The following GAS2 variants were observed in gnomAD, a reference collection of about 807,000 sequenced individuals.
GAS2 encodes the protein growth arrest specific 2, also known as growth arrest-specific protein 2.
Under a neutral mutation model 37.5 loss-of-function variants are expected in GAS2, and 20 were observed. The observed-to-expected ratio is 0.53, with a 90% CI of 0.37 to 0.77. The LOEUF (loss-of-function observed/expected upper bound fraction) is 0.77, where lower values mean the gene tolerates loss of function less well. Ranked by LOEUF, GAS2 falls within the 30% of genes least tolerant of loss-of-function variation. The pLI, the probability that GAS2 is intolerant of heterozygous loss-of-function variation, is 0.00. For missense variants in GAS2, 336 were observed against 373.4 expected (o/e 0.90, Z 0.82); for synonymous variants, 144 against 132.2 (o/e 1.09, Z -0.61).
intron 5 of GAS2, among the ~76,000 whole-genome samples, chr11:22,745,263 C>T (rs1245819468): frequency 6.6e-6 from 1 of 152,016 alleles, no homozygotes; most frequent in Non-Finnish European, 1.5e-5. Flanking sequence ...GGTACAAAAA[C>T]AGACAGAACA....
intron 7 of GAS2, among the ~76,000 whole-genome samples, chr11:22,785,744 T>C (rs1345199023): frequency 6.6e-6 from 1 of 152,150 alleles, no homozygotes; most frequent in Non-Finnish European, 1.5e-5. Flanking sequence ...GAAAAGATTG[T>C]TTTCTAGTGT....
intron 1 of GAS2, among the ~76,000 whole-genome samples, chr11:22,672,229 A>G (rs1245580426): frequency 6.6e-6 from 1 of 152,184 alleles, no homozygotes; most frequent in Admixed American, 6.5e-5. Context: ...GACTGTATAC[A>G]AAGTAACAAA....
intron 1 of GAS2, chr11:22,667,207 G>C (rs1231631212): frequency 2.0e-5 from 3 of 150,906 alleles, no homozygotes. Context: ...AAGCCCGCTG[G>C]GGTGGCTCTG....
intron 1 of GAS2, among the ~76,000 whole-genome samples, chr11:22,636,572 T>C (rs1305527467): frequency 6.6e-6 from 1 of 152,138 alleles, no homozygotes; most frequent in Non-Finnish European, 1.5e-5. Context: ...CAGTAATTAA[T>C]TTAGGAACCC....
intron 1 of GAS2, among the ~76,000 whole-genome samples, chr11:22,644,844 A>G (rs1223913781): frequency 6.6e-6 from 1 of 152,106 alleles, no homozygotes; most frequent in Non-Finnish European, 1.5e-5. Context: ...GCTACTCTTG[A>G]ACCCCTGGAC....
At chr11:22,724,708 T>G (rs1590713463) in intron 3 of GAS2, among the ~76,000 whole-genome samples, 2 of 152,106 alleles carry the variant, frequency 1.3e-5, no homozygotes, top group Non-Finnish European at 2.9e-5. Flanking sequence ...TGTGCATTTA[T>G]GCAGAAACTT....
chr11:22,656,095 G>A (rs1039557888), intron 1 of GAS2, among the ~76,000 whole-genome samples: 4 of 152,130 alleles, frequency 2.6e-5, no homozygotes, highest in Admixed American at 6.6e-5. Flanking sequence ...GGACTAAAAT[G>A]TTTTAAAACA....
At chr11:22,667,360 G>A (rs1365494293) in intron 1 of GAS2, among the ~76,000 whole-genome samples, 3 of 152,312 alleles carry the variant, frequency 2.0e-5, no homozygotes, top group East Asian at 3.9e-4. Context: ...TGGTCTTAAA[G>A]GGCTGATCCT....
chr11:22,688,107 G>A (rs1434580416), intron 3 of GAS2, among the ~76,000 whole-genome samples: 2 of 152,102 alleles, frequency 1.3e-5, no homozygotes, highest in Non-Finnish European at 2.9e-5. Context: ...TAGGTCAAAG[G>A]CTTTGACATT....
chr11:22,781,414 A>G (rs1341618078), intron 7 of GAS2, among the ~76,000 whole-genome samples: 1 of 152,190 alleles, frequency 6.6e-6, no homozygotes, highest in Non-Finnish European at 1.5e-5. Context: ...CAGGTCATGT[A>G]TGAGTGCAGC....
chr11:22,650,264 T>A (rs1214999963), intron 1 of GAS2, among the ~76,000 whole-genome samples: 4 of 150,758 alleles, frequency 2.7e-5, no homozygotes, highest in Admixed American at 6.6e-5. Flanking sequence ...CTAGTTTGAT[T>A]GCACTGTGGT....
At chr11:22,652,331 A>G (rs1848787994) in intron 1 of GAS2, among the ~76,000 whole-genome samples, 1 of 152,220 alleles carries the variant, frequency 6.6e-6, no homozygotes, top group South Asian at 2.1e-4. Flanking sequence ...CAAAGCTGTC[A>G]GACAGGGCCA....
intron 4 of GAS2, among the ~76,000 whole-genome samples, chr11:22,737,132 TA>T (rs1852797677): frequency 6.6e-6 from 1 of 152,208 alleles, no homozygotes; most frequent in African/African-American, 2.4e-5. Context: ...TGTTTCTTTC[TA>T]AAATATTATT....
intron 2 of GAS2, among the ~76,000 whole-genome samples, chr11:22,681,098 C>A (rs1254496059): frequency 2.0e-5 from 3 of 152,148 alleles, no homozygotes; most frequent in Admixed American, 1.3e-4. Context: ...AAATTTAATA[C>A]TGCTAATTTA....
In GAS2 at chr11:22,635,946, C is replaced by G. The variant is rs150220365; in HGVS notation, c.-21+10133C>G. The stretch of plus-strand genomic sequence containing the variant: ...GGAGTATATATCATGGAGGCAGTCT[C>G]TCACCACTCACACTCTGGGGACTCA... On this transcript the variant is annotated intron_variant, in intron 1 of 5. Coordinates refer to the GAS2 transcript ENST00000528582. Among the ~76,000 whole-genome samples, 657 of 152,258 alleles carry G rather than the reference C, an allele frequency of 4.3e-3. 1 individual carries two copies. The highest frequency in any genetic ancestry group is 0.01 in the Middle Eastern group (3 of 294).
At chr11:22,686,091 A>G (rs1390100978) in intron 3 of GAS2, among the ~76,000 whole-genome samples, 1 of 152,242 alleles carries the variant, frequency 6.6e-6, no homozygotes, top group African/African-American at 2.4e-5. Context: ...CAGAGAAATA[A>G]TTGTGTCATT....
intron 7 of GAS2, among the ~76,000 whole-genome samples, chr11:22,761,050 G>T (rs1854368290): frequency 6.6e-6 from 1 of 152,112 alleles, no homozygotes; most frequent in African/African-American, 2.4e-5. Context: ...GTTAGATGAA[G>T]CTGTCTTCCT....
chr11:22,649,049 G>C (rs1004407367), intron 1 of GAS2, among the ~76,000 whole-genome samples: 2 of 152,138 alleles, frequency 1.3e-5, no homozygotes, highest in African/African-American at 4.8e-5. Flanking sequence ...TATTGGCTGT[G>C]GGTTTGTCAC....
chr11:22,654,075 C>T (rs879515072), intron 1 of GAS2, among the ~76,000 whole-genome samples: 1 of 152,216 alleles, frequency 6.6e-6, no homozygotes, highest in Non-Finnish European at 1.5e-5. Flanking sequence ...ATGCCCCAGG[C>T]ACTGTGGACT....
Sources: allele counts gnomAD v4.1 joint callset (sites outside exome capture counted in the v4.1 genomes callset), GRCh38; gene constraint gnomAD v4.1.1; transcripts MANE v1.5; gene names NCBI Gene and HGNC (gene_info 2026-07-23, HGNC 2026-07-21).